KCND2: variants seen among roughly 807,000 people sequenced by gnomAD.
The protein encoded by KCND2 is potassium voltage-gated channel subfamily D member 2.
KCND2 carries 16 observed loss-of-function variants against 54.4 expected under a neutral mutation model. That is an observed-to-expected ratio of 0.29 (90% CI 0.20 to 0.45). KCND2 has a LOEUF of 0.45. Ranked by LOEUF, KCND2 falls within the 20% of genes least tolerant of loss-of-function variation. KCND2 has a pLI of 1.00. For missense variants in KCND2, 486 were observed against 824.2 expected (o/e 0.59, Z 5.02); for synonymous variants, 317 against 310.7 (o/e 1.02, Z -0.21).
At chr7:120,583,786 G>A (rs543980578) in intron 1 of KCND2, among the ~76,000 whole-genome samples, 2 of 15,716 alleles carry the variant, frequency 1.3e-4, no homozygotes, top group Non-Finnish European at 8.1e-4. Flanking sequence ...AGGAATTGTG[G>A]GGGGGGGGAC....
intron 1 of KCND2, among the ~76,000 whole-genome samples, chr7:120,621,629 T>C (rs572906649): frequency 3.3e-5 from 5 of 152,226 alleles, no homozygotes; most frequent in Non-Finnish European, 5.9e-5. Flanking sequence ...AACCTAGTCA[T>C]GATATTAAAT....
chr7:120,507,969 T>A (rs888739378), intron 1 of KCND2, among the ~76,000 whole-genome samples: 1 of 151,936 alleles, frequency 6.6e-6, no homozygotes, highest in South Asian at 2.1e-4. Flanking sequence ...TTCATTAATT[T>A]AATGATAAGC....
intron 1 of KCND2, among the ~76,000 whole-genome samples, chr7:120,597,575 G>C (rs905701366): frequency 7.2e-5 from 11 of 152,072 alleles, no homozygotes; most frequent in African/African-American, 2.7e-4. Context: ...GCCAATTAAA[G>C]TGCATCCCTT....
intron 1 of KCND2, among the ~76,000 whole-genome samples, chr7:120,663,012 C>T (rs1156391291): frequency 3.3e-5 from 5 of 152,162 alleles, no homozygotes; most frequent in Non-Finnish European, 7.3e-5. Flanking sequence ...TCCTATGCAG[C>T]TCTCCAAATC....
chr7:120,492,947 A>G (rs966903088), intron 1 of KCND2, among the ~76,000 whole-genome samples: 3 of 152,126 alleles, frequency 2.0e-5, no homozygotes, highest in African/African-American at 7.2e-5. Context: ...TATTGAATAT[A>G]TATTGCTTCC....
At chr7:120,373,186 T>C (rs1800786771) in intron 1 of KCND2, among the ~76,000 whole-genome samples, 1 of 151,910 alleles carries the variant, frequency 6.6e-6, no homozygotes, top group South Asian at 2.1e-4. Context: ...CATTTCCTCA[T>C]CTTGTTGCTT....
Position 120,611,153 on chromosome 7 carries a change from C to T in KCND2, c.1116-121750C>T, listed in dbSNP as rs76311275. Among the ~76,000 whole-genome samples the T allele has an allele frequency of 3.6e-3, 553 of 152,278 alleles. 19 individuals carry two copies. In the East Asian group the frequency reaches 0.089, roughly 25 times the overall value. ...AGCTGGTAAATAGACAAGTCTACCC[C>T]GATGACAAATATTTGGGTTCCTCTA... On this transcript the variant is annotated intron_variant, in intron 1 of 5. Coordinates refer to ENST00000331113, the MANE Select transcript of KCND2 (RefSeq NM_012281.3).
chr7:120,588,097 T>C (rs529663165), intron 1 of KCND2, among the ~76,000 whole-genome samples: 8 of 152,190 alleles, frequency 5.3e-5, no homozygotes, highest in Non-Finnish European at 1.0e-4. Flanking sequence ...CTCTCCTCAG[T>C]TGAATATTTT....
At chr7:120,430,694 C>A (rs949414391) in intron 1 of KCND2, among the ~76,000 whole-genome samples, 2 of 152,138 alleles carry the variant, frequency 1.3e-5, no homozygotes, top group African/African-American at 4.8e-5. Flanking sequence ...CCTTTCCCAA[C>A]TACATATTTT....
chr7:120,310,516 T>C (rs1210095335), intron 1 of KCND2, among the ~76,000 whole-genome samples: 1 of 152,228 alleles, frequency 6.6e-6, no homozygotes, highest in African/African-American at 2.4e-5. Flanking sequence ...CAGAATAATA[T>C]ATTCAGAAGA....
intron 1 of KCND2, among the ~76,000 whole-genome samples, chr7:120,566,884 A>G (rs979411657): frequency 2.0e-5 from 3 of 152,002 alleles, no homozygotes; most frequent in Non-Finnish European, 4.4e-5. Context: ...CTTTAAATAT[A>G]TTTACGTTTA....
At chr7:120,618,790 G>A (rs903396356) in intron 1 of KCND2, among the ~76,000 whole-genome samples, 3 of 151,904 alleles carry the variant, frequency 2.0e-5, no homozygotes, top group East Asian at 3.9e-4. Context: ...TATAAACAAA[G>A]TATGTCATTG....
chr7:120,280,473 C>T lies in KCND2; in HGVS notation c.1115+4726C>T, dbSNP rs527582441. ...CGCTATTTTTAAATTTTCAGTGGGT[C>T]TGTTATGCTATTCTTTTTTATTTTT... On this transcript the variant is annotated intron_variant, in intron 1 of 5. Coordinates refer to ENST00000331113, the MANE Select transcript of KCND2 (RefSeq NM_012281.3). Among the ~76,000 whole-genome samples the T allele has an allele frequency of 1.8e-4, 28 of 152,088 alleles. No homozygotes were observed. In the East Asian group the frequency reaches 4.6e-3, roughly 25 times the overall value.
chr7:120,450,896 A>G (rs370583880), intron 1 of KCND2, among the ~76,000 whole-genome samples: 1 of 152,184 alleles, frequency 6.6e-6, no homozygotes, highest in African/African-American at 2.4e-5. Context: ...GCGATTACTT[A>G]TTGATGATAT....
At chr7:120,602,494 G>A (rs1051489934) in intron 1 of KCND2, among the ~76,000 whole-genome samples, 3 of 152,190 alleles carry the variant, frequency 2.0e-5, no homozygotes, top group Non-Finnish European at 2.9e-5. Context: ...CAGTTATGGC[G>A]ATGCTGAGCA....
At chr7:120,287,900 T>C (rs898421022) in intron 1 of KCND2, among the ~76,000 whole-genome samples, 3 of 152,142 alleles carry the variant, frequency 2.0e-5, no homozygotes, top group East Asian at 1.9e-4. Context: ...GTTTTCAATT[T>C]TATTTATTAG....
chr7:120,507,611 C>CT, intron 1 of KCND2, among the ~76,000 whole-genome samples: 1 of 151,888 alleles, frequency 6.6e-6, no homozygotes, highest in East Asian at 1.9e-4. Context: ...GCCGCAACAA[C>CT]TATCTTAGAA....
At chr7:120,653,740 A>G (rs1791767842) in intron 1 of KCND2, among the ~76,000 whole-genome samples, 1 of 152,216 alleles carries the variant, frequency 6.6e-6, no homozygotes, top group Non-Finnish European at 1.5e-5. Context: ...CTATGTGGCA[A>G]TTGTTATGCT....
At chr7:120,464,808 G>A (rs1460717920) in intron 1 of KCND2, among the ~76,000 whole-genome samples, 3 of 152,158 alleles carry the variant, frequency 2.0e-5, no homozygotes, top group Non-Finnish European at 2.9e-5. Flanking sequence ...TCTTTCTCAT[G>A]TATTCCCGTC....
Sources: gnomAD v4.1 joint callset for allele counts (sites outside exome capture counted in the v4.1 genomes callset) on GRCh38, gnomAD v4.1.1 for gene constraint, MANE v1.5 for transcripts, NCBI Gene and HGNC (gene_info 2026-07-23, HGNC 2026-07-21) for gene names.